Variants in UXS1 observed in about 807,000 individuals in gnomAD.
The protein encoded by UXS1 is UDP-glucuronate decarboxylase 1.
In UXS1, 33 loss-of-function variants were observed where a neutral mutation model predicts 62.6. That is an observed-to-expected ratio of 0.53 (90% CI 0.40 to 0.70). The LOEUF (loss-of-function observed/expected upper bound fraction) is 0.70. Among genes scored for constraint, UXS1 ranks in the 30% least tolerant of loss-of-function variants. The pLI is 0.00. For missense variants in UXS1, 434 were observed against 556.3 expected, an observed-to-expected ratio of 0.78 and a Z score of 2.21; for synonymous variants, 213 against 206.8, an observed-to-expected ratio of 1.03 and a Z score of -0.26.
intron 10 of UXS1, among the ~76,000 whole-genome samples, chr2:106,105,250 G>A (rs1677959932): frequency 1.3e-5 from 2 of 152,192 alleles, no homozygotes; most frequent in African/African-American, 4.8e-5. Context: ...CAGCAGAGCT[G>A]GGGATGCCGC....
intron 5 of UXS1, among the ~76,000 whole-genome samples, chr2:106,153,351 C>A (rs955803138): frequency 2.0e-5 from 3 of 152,194 alleles, no homozygotes; most frequent in Non-Finnish European, 4.4e-5. Flanking sequence ...AGATACTGCA[C>A]AGGCTTAATA....
At chr2:106,181,713 C>T (rs1361054899) in intron 1 of UXS1, among the ~76,000 whole-genome samples, 1 of 151,986 alleles carries the variant, frequency 6.6e-6, no homozygotes, top group Non-Finnish European at 1.5e-5. Context: ...GAGACTCCAT[C>T]TCAAAAAAAA....
chr2:106,181,470 G>A (rs963949885), intron 1 of UXS1, among the ~76,000 whole-genome samples: 1 of 152,186 alleles, frequency 6.6e-6, no homozygotes, highest in Non-Finnish European at 1.5e-5. Context: ...TGTAATCCCA[G>A]CACTTTGGGA....
intron 12 of UXS1, among the ~76,000 whole-genome samples, chr2:106,099,777 T>C (rs1193710632): frequency 6.6e-6 from 1 of 152,166 alleles, no homozygotes; most frequent in African/African-American, 2.4e-5. Flanking sequence ...AGGCAAATGC[T>C]GCAAGCAAAA....
At chr2:106,152,563 GA>G (rs1682116613) in intron 5 of UXS1, among the ~76,000 whole-genome samples, 1 of 68,404 alleles carries the variant, frequency 1.5e-5, no homozygotes, top group African/African-American at 4.8e-5. Flanking sequence ...AGAAAGAAAG[GA>G]AGGAAAGGAA....
At chr2:106,162,375 C>T (rs1183317606) in intron 4 of UXS1, among the ~76,000 whole-genome samples, 1 of 152,142 alleles carries the variant, frequency 6.6e-6, no homozygotes, top group Non-Finnish European at 1.5e-5. Context: ...ATGTTGAGAG[C>T]TCTTGTTTGT....
At chr2:106,145,139 C>A (rs1681459699) in intron 6 of UXS1, 51 bp downstream of exon 6, 4 of 1,572,872 alleles carry the variant, frequency 2.5e-6, no homozygotes, top group Non-Finnish European at 3.5e-6. Context: ...GCAGCTCTGG[C>A]AAGGCCACCT....
At chr2:106,100,715 T>C (rs3739135) in intron 12 of UXS1, 152,281 of 203,792 alleles carry the variant, frequency 0.75, 57,502 homozygotes, top group Non-Finnish European at 0.78. Context: ...CTTCTAAAAA[T>C]GCAATCAGGC....
chr2:106,103,897 A>G lies in UXS1; in HGVS notation c.923+897T>C, dbSNP rs368221171. On this transcript the variant is annotated intron_variant, in intron 11 of 14. Transcript: ENST00000283148. Reference sequence around the variant, plus strand: ...CACGGGACTCCTACCCAGGACCCCTACCTAAGGGTCCTGGGTAGGTACAAT... The same window carrying G: ...CACGGGACTCCTACCCAGGACCCCTGCCTAAGGGTCCTGGGTAGGTACAAT... 3.3e-5 allele frequency among the ~76,000 whole-genome samples: 5 copies of G among 152,204 alleles called. 1 individual carries two copies. The highest frequency in any genetic ancestry group is 3.4e-3 in the Middle Eastern group (1 of 294).
chr2:106,111,404 T>A (rs997763642), intron 10 of UXS1, among the ~76,000 whole-genome samples: 1 of 152,134 alleles, frequency 6.6e-6, no homozygotes, highest in Non-Finnish European at 1.5e-5. Flanking sequence ...TCCCCAGGAA[T>A]GCACTCAGCG....
intron 1 of UXS1, chr2:106,179,634 G>C (rs187391093): frequency 6.6e-6 from 1 of 152,200 alleles, no homozygotes; most frequent in South Asian, 2.1e-4. Flanking sequence ...TATCCTTAAG[G>C]GGTTTCACTC....
intron 1 of UXS1, among the ~76,000 whole-genome samples, chr2:106,181,115 G>A (rs1558757440): frequency 6.6e-6 from 1 of 152,142 alleles, no homozygotes; most frequent in African/African-American, 2.4e-5. Context: ...GTTCATGGGG[G>A]CATCCCACAG....
Position 106,173,177 on chromosome 2 carries a change from C to T in UXS1, c.95-7094G>A, listed in dbSNP as rs188268985. Among the ~76,000 whole-genome samples the T allele has an allele frequency of 1.7e-4, 26 of 152,278 alleles. No individual in the cohort carries two copies. In the East Asian group the frequency reaches 4.1e-3, roughly 24 times the overall value. ...CTGTTATCTAGGGTACTGAGACAGA[C>T]GAACATAGTATGTGCTCCCTAAATA... On this transcript the variant is annotated intron_variant, in intron 1 of 14. Coordinates refer to ENST00000283148, the MANE Select transcript of UXS1 (RefSeq NM_001253875.2).
intron 1 of UXS1, among the ~76,000 whole-genome samples, chr2:106,180,935 T>C (rs907120983): frequency 5.3e-5 from 8 of 152,224 alleles, no homozygotes; most frequent in African/African-American, 9.7e-5. Flanking sequence ...TAAAGAGATG[T>C]AGGCTCCACC....
At chr2:106,110,605 G>T (rs1434126822) in intron 10 of UXS1, among the ~76,000 whole-genome samples, 1 of 152,196 alleles carries the variant, frequency 6.6e-6, no homozygotes, top group East Asian at 1.9e-4. Context: ...AGCAGCAAGA[G>T]GGTTACATGA....
intron 8 of UXS1, among the ~76,000 whole-genome samples, chr2:106,124,538 C>G (rs1406876059): frequency 6.6e-6 from 1 of 152,206 alleles, no homozygotes. Context: ...TATTCAAGGT[C>G]AGAGGAGAGC....
intron 11 of UXS1, chr2:106,102,875 A>C (rs1454815405): frequency 6.6e-6 from 1 of 152,248 alleles, no homozygotes; most frequent in Non-Finnish European, 1.5e-5. Flanking sequence ...AAGTCCCTGA[A>C]GCCTCATCAT....
At chr2:106,172,571 G>C (rs1397574333) in intron 1 of UXS1, among the ~76,000 whole-genome samples, 1 of 152,194 alleles carries the variant, frequency 6.6e-6, no homozygotes, top group Non-Finnish European at 1.5e-5. Flanking sequence ...CACTGACAGA[G>C]ATGGGGCTGG....
At chr2:106,140,305 C>T (rs1243355755) in intron 6 of UXS1, among the ~76,000 whole-genome samples, 1 of 152,200 alleles carries the variant, frequency 6.6e-6, no homozygotes, top group Admixed American at 6.5e-5. Flanking sequence ...CCATAGGAAG[C>T]CTCCAACAGC....
Sources: allele counts gnomAD v4.1 joint callset (sites outside exome capture counted in the v4.1 genomes callset), GRCh38; gene constraint gnomAD v4.1.1; transcripts MANE v1.5; gene names NCBI Gene and HGNC (gene_info 2026-07-23, HGNC 2026-07-21).